The following MDM2 variants were observed in gnomAD, a reference collection of about 807,000 sequenced individuals.
MDM2 encodes MDM2 proto-oncogene, also known as E3 ubiquitin-protein ligase Mdm2.
In MDM2, 11 loss-of-function variants were observed where a neutral mutation model predicts 64.3. That is an observed-to-expected ratio of 0.17 (90% confidence interval 0.11 to 0.28). The LOEUF (loss-of-function observed/expected upper bound fraction) is 0.28, where lower values mean the gene tolerates loss of function less well. Among genes scored for constraint, MDM2 ranks in the 10% least tolerant of loss-of-function variants. MDM2 has a pLI of 1.00. For synonymous variants in MDM2, 194 were observed against 192.9 expected (o/e 1.01, Z -0.05); for missense variants, 388 against 577.1 (o/e 0.67, Z 3.36).
chr12:68,809,358 C>T, intron 2 of MDM2, 66 bp downstream of exon 2: 2 of 1,366,680 alleles, frequency 1.5e-6, no homozygotes, highest in East Asian at 2.3e-5. Context: ...AACTAAATTT[C>T]GTATACCTCA....
intron 1 of MDM2, 146 bp from the exon 2 acceptor site, chr12:68,809,062 C>A: frequency 6.7e-7 from 1 of 1,499,450 alleles, no homozygotes. Flanking sequence ...CACGGACGCA[C>A]GCCACTTTTT....
intron 3 of MDM2, among the ~76,000 whole-genome samples, chr12:68,815,205 A>G (rs1368064585): frequency 6.6e-6 from 1 of 152,222 alleles, no homozygotes; most frequent in African/African-American, 2.4e-5. Context: ...AAGGAAACAA[A>G]AAAGTATGGA....
At chr12:68,811,531 C>G (rs1467161636) in intron 2 of MDM2, among the ~76,000 whole-genome samples, 2 of 149,718 alleles carry the variant, frequency 1.3e-5, no homozygotes, top group Non-Finnish European at 3.0e-5. Context: ...ATGCTATTAT[C>G]TTTTATAGCT....
chr12:68,826,030 G>T (rs1429160527), intron 7 of MDM2, among the ~76,000 whole-genome samples: 1 of 152,148 alleles, frequency 6.6e-6, no homozygotes, highest in Middle Eastern at 3.2e-3. Context: ...GTTAATATCT[G>T]TATTACATAA....
chr12:68,842,513 A>G lies in MDM2; in HGVS notation c.*2664A>G, dbSNP rs1251125576. ...TCCGATGAAAGGTGATTACAAAATC[A>G]TCTACATTGCTGTCTACAAAACAGA... On this transcript the variant is annotated 3_prime_UTR_variant, in exon 11 of 11. Transcript: ENST00000258149. The G allele has an allele frequency of 2.6e-6, 1 of 382,126 alleles. No homozygotes were observed. Among genetic ancestry groups the G allele is most frequent in the African/African-American group, 2.2e-5 (1 of 46,170 alleles). The allele number at this position is 382,126 out of a possible 1,614,324, so 23.7% of individuals were successfully genotyped here. A position where few individuals can be genotyped will look rare whatever the true frequency, so the allele number is the denominator to read the frequency against.
At chr12:68,825,375 C>G (rs1273674038) in intron 7 of MDM2, among the ~76,000 whole-genome samples, 1 of 151,252 alleles carries the variant, frequency 6.6e-6, no homozygotes, top group Non-Finnish European at 1.5e-5. Flanking sequence ...AGATAAGGGC[C>G]GGGCGCAGTG....
chr12:68,827,646 G>T (rs559913478), intron 7 of MDM2, among the ~76,000 whole-genome samples: 31 of 152,202 alleles, frequency 2.0e-4, no homozygotes, highest in African/African-American at 7.2e-4. Flanking sequence ...TTTTGTTATA[G>T]GTACTTGAAT....
chr12:68,823,464 C>A (rs1190872475), intron 5 of MDM2, among the ~76,000 whole-genome samples: 1 of 152,202 alleles, frequency 6.6e-6, no homozygotes, highest in Non-Finnish European at 1.5e-5. Flanking sequence ...AAGTTGGAAT[C>A]TTGGAATCAT....
At chr12:68,815,433 CTTTTTTTTTT>C (rs58178593) in intron 3 of MDM2, among the ~76,000 whole-genome samples, 5 of 93,064 alleles carry the variant, frequency 5.4e-5, no homozygotes, top group South Asian at 7.5e-4. Context: ...GTTTCTTCTT[CTTTTTTTTTT>C]TTTTTTTTTT....
intron 5 of MDM2, among the ~76,000 whole-genome samples, chr12:68,823,074 G>A (rs1468312805): frequency 1.3e-5 from 2 of 152,008 alleles, no homozygotes; most frequent in Non-Finnish European, 2.9e-5. Flanking sequence ...CATCTTTTTT[G>A]TAGCATCTGT....
intron 5 of MDM2, among the ~76,000 whole-genome samples, chr12:68,823,981 T>C (rs1249498987): frequency 6.6e-6 from 1 of 152,168 alleles, no homozygotes; most frequent in Non-Finnish European, 1.5e-5. Context: ...TTTTGGATAC[T>C]TTTTCACATG....
chr12:68,820,423 AG>A, intron 5 of MDM2, 49 bp downstream of exon 5: 2 of 1,455,038 alleles, frequency 1.4e-6, no homozygotes, highest in Non-Finnish European at 1.9e-6. Flanking sequence ...AACGTTTTAA[AG>A]ACATTTTTGT....
chr12:68,828,897 G>T lies in MDM2; in HGVS notation c.650G>T (p.Ser217Ile). ...AGGGAGATATGTTGTGAAAGAAGCA[G>T]TAGCAGTGAATCTACAGGGACGCCA... is the stretch of plus-strand genomic sequence containing the variant. ...VIREICCERS[S>I]SSESTGTPSN... Residue 217 changes from serine to isoleucine, a missense_variant, in exon 8 of 11, where the codon AGT (serine) becomes ATT (isoleucine). Ser to Ile is a moderately radical substitution (Grantham distance 142). Transcript: ENST00000258149. 1 of 1,614,000 alleles carries T rather than the reference G, an allele frequency of 6.2e-7. No homozygotes were observed.
intron 5 of MDM2, among the ~76,000 whole-genome samples, chr12:68,822,601 T>A (rs1881955508): frequency 6.6e-6 from 1 of 152,220 alleles, no homozygotes; most frequent in South Asian, 2.1e-4. Flanking sequence ...ATTCCTTCAT[T>A]TGTTTAAATA....
At chr12:68,824,292 A>G (rs1481612680) in intron 5 of MDM2, 71 bp from the exon 6 acceptor site, 5 of 1,016,314 alleles carry the variant, frequency 4.9e-6, no homozygotes, top group Non-Finnish European at 7.6e-6. Context: ...GACTGATAGC[A>G]TATCTACTGA....
intron 10 of MDM2, among the ~76,000 whole-genome samples, chr12:68,837,556 A>G (rs1003440892): frequency 1.3e-5 from 2 of 151,788 alleles, no homozygotes; most frequent in African/African-American, 4.8e-5. Context: ...AAATGTCACC[A>G]TGTTGCCCAG....
intron 3 of MDM2, among the ~76,000 whole-genome samples, chr12:68,816,362 CTTTTTTTTTTTTTT>C (rs62874563): frequency 1.6e-5 from 1 of 61,064 alleles, no homozygotes; most frequent in African/African-American, 6.7e-5. Context: ...TTAAAAGTAG[CTTTTTTTTTTTTTT>C]TTTTTTTTTT....
chr12:68,828,976 G>T (rs919748770), intron 8 of MDM2, 45 bp downstream of exon 8: 5 of 1,587,928 alleles, frequency 3.1e-6, no homozygotes, highest in Non-Finnish European at 4.3e-6. Context: ...ACTGTTCAAA[G>T]TCTAGTCCTG....
chr12:68,824,080 C>A, intron 5 of MDM2: 1 of 390,170 alleles, frequency 2.6e-6, no homozygotes. Flanking sequence ...CTCAGACACT[C>A]CCTGTCCCTA....
Sources: allele counts gnomAD v4.1 joint callset (sites outside exome capture counted in the v4.1 genomes callset), GRCh38; gene constraint gnomAD v4.1.1; transcripts MANE v1.5; gene names NCBI Gene and HGNC (gene_info 2026-07-23, HGNC 2026-07-21).